Variants in ABITRAM observed in about 807,000 individuals in gnomAD.
The protein encoded by ABITRAM is actin binding transcription modulator, also known as protein Abitram.
Under a neutral mutation model 22.9 loss-of-function variants are expected in ABITRAM, and 19 were observed. That is an observed-to-expected ratio of 0.83 (90% CI 0.58 to 1.22). ABITRAM has a LOEUF of 1.22. Among genes scored for constraint, ABITRAM ranks in the 50% most tolerant of loss-of-function variants. ABITRAM has a pLI of 0.00. For missense variants in ABITRAM, 215 were observed against 220.2 expected, an observed-to-expected ratio of 0.98 and a Z score of 0.15; for synonymous variants, 70 against 73.9, an observed-to-expected ratio of 0.95 and a Z score of 0.27.
intron 3 of ABITRAM, among the ~76,000 whole-genome samples, chr9:108,947,115 C>CT (rs34477684): frequency 0.33 from 44,301 of 136,236 alleles, 7,695 homozygotes; most frequent in East Asian, 0.41. Flanking sequence ...AAATTTCTTT[C>CT]TTTTTTTTTT....
In ABITRAM at chr9:108,935,762, G is replaced by C. The variant is rs984461148; in HGVS notation, c.131+73G>C. ...TATTGTAGCCTGGTATGGTCTTGTG[G>C]TCTTGGATTGAACAAATGTTCACTA... On this transcript the variant is annotated intron_variant, in intron 2 of 5. Coordinates refer to ENST00000322940, the MANE Select transcript of ABITRAM (RefSeq NM_017832.4). 7 of 929,466 alleles carry C rather than the reference G, an allele frequency of 7.5e-6. No homozygotes were observed. In the Admixed American group the frequency reaches 7.9e-5, roughly 10 times the overall value. The allele number at this position is 929,466 out of a possible 1,614,324, so 57.6% of individuals were successfully genotyped here. A position where few individuals can be genotyped will look rare whatever the true frequency, so the allele number is the denominator to read the frequency against.
In ABITRAM at chr9:108,939,247, G is replaced by C; in HGVS notation, c.313G>C (p.Asp105His). 1.2e-6 allele frequency: 2 copies of C among 1,614,048 alleles called. No individual in the cohort carries two copies. The highest frequency in any genetic ancestry group is 2.7e-5 in the African/African-American group (2 of 75,048). ...ACCTCTCTGTAAGATTTACTGCTCA[G>C]ATGGTGAAGAATATACTGTGTCTAG... ...LAPLCKIYCS[D>H]GEEYTVSSCV... The change falls in exon 4 of 6, where the codon GAT becomes CAT. Residue 105 changes from aspartate to histidine, a missense_variant. Asp to His is a moderately conservative substitution (Grantham distance 81). Coordinates refer to ENST00000322940, the MANE Select transcript of ABITRAM (RefSeq NM_017832.4).
Position 108,939,832 on chromosome 9 carries a change from C to A in ABITRAM, c.*146C>A. 1 of 912,076 alleles carries A rather than the reference C, an allele frequency of 1.1e-6. No homozygotes were observed. Among genetic ancestry groups the A allele is most frequent in the Non-Finnish European group, 1.6e-6 (1 of 616,290 alleles). 56.5% of individuals were successfully genotyped at this position (912,076 alleles called of 1,614,324 possible). The stretch of plus-strand genomic sequence containing the variant: ...AGGCCTAGTGCTTCACTTAGTTTTC[C>A]CTCTCTGTCTTCATAATGAGCCTTG... On this transcript the variant is annotated 3_prime_UTR_variant, in exon 6 of 6. Coordinates refer to ENST00000322940, the MANE Select transcript of ABITRAM (RefSeq NM_017832.4).
downstream of ABITRAM, among the ~76,000 whole-genome samples, chr9:108,945,827 G>C (rs769813354): frequency 1.3e-5 from 2 of 152,102 alleles, no homozygotes; most frequent in Non-Finnish European, 2.9e-5. Flanking sequence ...ATCTGCAGAT[G>C]CAAAACCTGC....
At chr9:108,936,257 A>T in intron 2 of ABITRAM, 51 bp from the exon 3 acceptor site, 2 of 1,588,148 alleles carry the variant, frequency 1.3e-6, no homozygotes, top group Non-Finnish European at 1.7e-6. Context: ...GAGTTATGGG[A>T]GGAAAAATTA....
chr9:108,934,413 G>T lies in ABITRAM; in HGVS notation c.-74G>T, dbSNP rs1473452880. On this transcript the variant is annotated 5_prime_UTR_variant, in exon 1 of 6. Coordinates refer to ENST00000322940, the MANE Select transcript of ABITRAM (RefSeq NM_017832.4). ...ACGACACGCGCTGTGCGCCGGAAGA[G>T]CACGCCCAGTCCGGGCTGCGCGGAG... 7.4e-7 allele frequency: 1 copy of T among 1,342,788 alleles called. No individual in the cohort carries two copies. Among genetic ancestry groups the T allele is most frequent in the Admixed American group, 2.5e-5 (1 of 40,512 alleles). 83.2% of individuals were successfully genotyped at this position (1,342,788 alleles called of 1,614,324 possible).
Position 108,939,182 on chromosome 9 carries a change from G to C in ABITRAM, c.262-14G>C. The C allele has an allele frequency of 6.2e-7, 1 of 1,610,406 alleles. No homozygotes were observed. The highest frequency in any genetic ancestry group is 8.5e-7 in the Non-Finnish European group (1 of 1,178,242). On this transcript the variant is annotated splice_polypyrimidine_tract_variant and intron_variant, in intron 3 of 5. Coordinates refer to ENST00000322940, the MANE Select transcript of ABITRAM (RefSeq NM_017832.4). Reference sequence around the variant, plus strand: ...TGTCCATCAACTGATTACTTCTTCCGTCTCATTACACAGGGGGCACAGTTT... The same window carrying C: ...TGTCCATCAACTGATTACTTCTTCCCTCTCATTACACAGGGGGCACAGTTT...
chr9:108,950,434 T>TA, intron 3 of ABITRAM: 2 of 1,476,302 alleles, frequency 1.4e-6, no homozygotes, highest in Non-Finnish European at 9.1e-7. Flanking sequence ...GAAAATATGA[T>TA]AAGGTACTGA....
In ABITRAM at chr9:108,939,974, G is replaced by A. The variant is rs1251699977; in HGVS notation, c.*288G>A. The A allele has an allele frequency of 3.3e-6, 1 of 300,440 alleles. No individual in the cohort carries two copies. Among genetic ancestry groups the A allele is most frequent in the Non-Finnish European group, 6.1e-6 (1 of 163,416 alleles). The allele number at this position is 300,440 out of a possible 1,614,324, so 18.6% of individuals were successfully genotyped here. A position where few individuals can be genotyped will look rare whatever the true frequency, so the allele number is the denominator to read the frequency against. ...GTTTTTCTGATTAAAAACAAACAAA[G>A]CTCTTTGAAGAAGATTTAGAAAATA... On this transcript the variant is annotated 3_prime_UTR_variant, in exon 6 of 6. Transcript: ENST00000322940.
chr9:108,939,212 CAG>C lies in ABITRAM; in HGVS notation c.281_282del (p.Glu94AlafsTer6). 1.2e-6 allele frequency: 2 copies of C among 1,613,780 alleles called. No individual in the cohort carries two copies. The highest frequency in any genetic ancestry group is 2.2e-5 in the South Asian group (2 of 91,044). On this transcript the variant is annotated frameshift_variant, in exon 4 of 6. Transcript: ENST00000322940. LOFTEE classifies it high-confidence loss of function. ...ATTACACAGGGGGCACAGTTTCTAA[CAG>C]AGCTTGCACCTCTCTGTAAGATTTA... is the stretch of plus-strand genomic sequence containing the variant.
At chr9:108,947,198 C>T (rs1830432981) in intron 3 of ABITRAM, among the ~76,000 whole-genome samples, 2 of 150,646 alleles carry the variant, frequency 1.3e-5, no homozygotes, top group South Asian at 4.2e-4. Context: ...ACTGCAAGCT[C>T]CGCCTCCCGG....
chr9:108,936,556 G>C lies in ABITRAM; in HGVS notation c.261+119G>C, dbSNP rs1353607691. On this transcript the variant is annotated intron_variant, in intron 3 of 5. Coordinates refer to ENST00000322940, the MANE Select transcript of ABITRAM (RefSeq NM_017832.4). ...TTAGCATACTTCTCTAGCAGTTTGA[G>C]GTGCTAATTTTAGGTATACTTTCAC... 14 of 1,145,144 alleles carry C rather than the reference G, an allele frequency of 1.2e-5. No individual in the cohort carries two copies. The South Asian group carries it at 2.5e-4, about 20-fold the overall frequency. 70.9% of individuals were successfully genotyped at this position (1,145,144 alleles called of 1,614,324 possible). A position where few individuals can be genotyped will look rare whatever the true frequency, so the allele number is the denominator to read the frequency against.
At chr9:108,936,219 A>G (rs1175969705) in intron 2 of ABITRAM, 89 bp from the exon 3 acceptor site, 24 of 1,433,218 alleles carry the variant, frequency 1.7e-5, no homozygotes, top group Non-Finnish European at 2.3e-5. Flanking sequence ...CTAAACAAAT[A>G]CCAGTTCATA....
chr9:108,948,232 C>A (rs1257453165), intron 3 of ABITRAM: 2 of 1,610,536 alleles, frequency 1.2e-6, no homozygotes, highest in Admixed American at 3.4e-5. Context: ...TGGCCCCTCT[C>A]CTCTAAAATA....
chr9:108,941,709 C>G (rs10979618), downstream of ABITRAM, among the ~76,000 whole-genome samples: 2,094 of 152,188 alleles, frequency 0.014, 41 homozygotes, highest in African/African-American at 0.048. Flanking sequence ...CTTATATTAT[C>G]TACTGCCATT....
intron 3 of ABITRAM, among the ~76,000 whole-genome samples, chr9:108,937,139 G>A (rs1386038567): frequency 6.6e-6 from 1 of 152,108 alleles, no homozygotes; most frequent in Non-Finnish European, 1.5e-5. Flanking sequence ...CAGCCTGAGC[G>A]GCAGAGCAAG....
chr9:108,948,373 G>A, intron 3 of ABITRAM: 1 of 664,022 alleles, frequency 1.5e-6, no homozygotes, highest in Non-Finnish European at 2.3e-6. Context: ...TGATAATATT[G>A]TAACTTTATG....
At chr9:108,950,023 CA>C (rs145183101) in intron 3 of ABITRAM, among the ~76,000 whole-genome samples, 14,715 of 76,072 alleles carry the variant, frequency 0.19, 728 homozygotes, top group African/African-American at 0.31. Flanking sequence ...GGCTACATCT[CA>C]AAAAAAAAAA....
rs749581341 is a variant in ABITRAM, at chr9:108,935,721, A to C, written c.131+32A>C. 8.9e-6 allele frequency: 14 copies of C among 1,580,482 alleles called. No homozygotes were observed. In the African/African-American group the frequency reaches 1.1e-4, roughly 12 times the overall value. ...AAATTGGGAATTTTAAATTATCAAAAATTTTTTTTTCCTGGTATTGTAGCC... is the reference window on the plus strand; with the variant it reads ...AAATTGGGAATTTTAAATTATCAAACATTTTTTTTTCCTGGTATTGTAGCC... On this transcript the variant is annotated intron_variant, in intron 2 of 5. Transcript: ENST00000322940.
Sources: allele counts gnomAD v4.1 joint callset (sites outside exome capture counted in the v4.1 genomes callset), GRCh38; gene constraint gnomAD v4.1.1; transcripts MANE v1.5; gene names NCBI Gene and HGNC (gene_info 2026-07-23, HGNC 2026-07-21).